The following FYN variants were observed in gnomAD, a reference collection of about 807,000 sequenced individuals.
FYN encodes tyrosine-protein kinase Fyn.
In FYN, 10 loss-of-function variants were observed where a neutral mutation model predicts 70.2. The observed-to-expected ratio is 0.14, with a 90% CI of 0.09 to 0.24. FYN has a LOEUF of 0.24. FYN is among the 10% of genes least tolerant of loss of function. FYN has a pLI of 1.00. For missense variants in FYN, 319 were observed against 673.1 expected (o/e 0.47, Z 5.82); for synonymous variants, 236 against 248.6 (o/e 0.95, Z 0.48).
chr6:111,829,340 T>C (rs1772939988), intron 2 of FYN, among the ~76,000 whole-genome samples: 1 of 152,178 alleles, frequency 6.6e-6, no homozygotes, highest in Admixed American at 6.5e-5. Context: ...GAAAAATACC[T>C]GCTCAACCTA....
At chr6:111,713,360 C>T (rs1203212111) in intron 5 of FYN, among the ~76,000 whole-genome samples, 1 of 152,164 alleles carries the variant, frequency 6.6e-6, no homozygotes, top group African/African-American at 2.4e-5. Context: ...AGGAGCCTGG[C>T]TCCAAGTCCT....
chr6:111,845,361 G>A (rs1028235329), intron 2 of FYN, among the ~76,000 whole-genome samples: 5 of 152,180 alleles, frequency 3.3e-5, no homozygotes, highest in African/African-American at 7.2e-5. Context: ...GAGTGCATGC[G>A]GATTCTAAAA....
chr6:111,843,582 T>C (rs1004760723), intron 2 of FYN, among the ~76,000 whole-genome samples: 17 of 152,338 alleles, frequency 1.1e-4, no homozygotes, highest in African/African-American at 4.1e-4. Flanking sequence ...ATTTTAAGAA[T>C]GATCTGTTCA....
intron 3 of FYN, among the ~76,000 whole-genome samples, chr6:111,761,203 C>T (rs1043800309): frequency 1.3e-5 from 2 of 152,226 alleles, no homozygotes; most frequent in African/African-American, 2.4e-5. Context: ...AGGCAGGGAG[C>T]CTTCACATTC....
chr6:111,766,425 C>T (rs1475198389), intron 3 of FYN, among the ~76,000 whole-genome samples: 1 of 152,154 alleles, frequency 6.6e-6, no homozygotes, highest in Non-Finnish European at 1.5e-5. Flanking sequence ...AGATTAACCA[C>T]AAAAAATTTC....
chr6:111,774,853 G>C (rs1346746301), intron 3 of FYN, among the ~76,000 whole-genome samples: 1 of 152,126 alleles, frequency 6.6e-6, no homozygotes, highest in African/African-American at 2.4e-5. Context: ...TGAGTAGCTG[G>C]AATTATAGGC....
chr6:111,664,352 T>C (rs1180257003), intron 13 of FYN, among the ~76,000 whole-genome samples: 8 of 152,114 alleles, frequency 5.3e-5, no homozygotes, highest in Non-Finnish European at 1.2e-4. Context: ...TGGCTCTGAG[T>C]GCCTCCCTCC....
At chr6:111,692,976 C>T (rs1214413808) in intron 12 of FYN, among the ~76,000 whole-genome samples, 3 of 152,216 alleles carry the variant, frequency 2.0e-5, no homozygotes, top group East Asian at 1.9e-4. Context: ...GTGTGTGTAA[C>T]GCACGGGTAT....
chr6:111,751,782 AAAT>A (rs1021681300), intron 3 of FYN, among the ~76,000 whole-genome samples: 2 of 152,090 alleles, frequency 1.3e-5, no homozygotes, highest in African/African-American at 4.8e-5. Flanking sequence ...CACCACATGT[AAAT>A]AATCTTTTTT....
chr6:111,714,282 C>A (rs1175509749), intron 5 of FYN, 65 bp downstream of exon 5: 19 of 1,008,538 alleles, frequency 1.9e-5, no homozygotes, highest in Admixed American at 1.2e-4. Flanking sequence ...AGATGCAGAC[C>A]AGAAATGCAA....
intron 3 of FYN, among the ~76,000 whole-genome samples, chr6:111,735,671 A>G (rs1801678111): frequency 6.6e-6 from 1 of 152,210 alleles, no homozygotes; most frequent in Admixed American, 6.5e-5. Context: ...TGCCAGATCA[A>G]GAAGGCAAGG....
chr6:111,679,791 C>T (rs994159960), intron 12 of FYN, among the ~76,000 whole-genome samples: 1 of 152,100 alleles, frequency 6.6e-6, no homozygotes, highest in Non-Finnish European at 1.5e-5. Context: ...GAAGTGTGTT[C>T]AGATCCCCTT....
intron 2 of FYN, among the ~76,000 whole-genome samples, chr6:111,814,495 T>C (rs974183650): frequency 5.9e-5 from 9 of 152,062 alleles, no homozygotes; most frequent in African/African-American, 2.2e-4. Context: ...CAGGTAAAAT[T>C]TGATCTATGC....
intron 1 of FYN, chr6:111,858,223 C>T (rs921287202): frequency 6.6e-6 from 1 of 152,210 alleles, no homozygotes; most frequent in Admixed American, 6.5e-5. Context: ...AGGTGGTTTC[C>T]TTCCAGAGTC....
intron 8 of FYN, among the ~76,000 whole-genome samples, chr6:111,700,717 G>C (rs1250522425): frequency 1.3e-5 from 2 of 152,194 alleles, no homozygotes; most frequent in Non-Finnish European, 1.5e-5. Flanking sequence ...TTGGATTAAA[G>C]AATGTCAATA....
chr6:111,828,550 C>T (rs1048656050), intron 2 of FYN, among the ~76,000 whole-genome samples: 2 of 151,536 alleles, frequency 1.3e-5, no homozygotes, highest in Non-Finnish European at 3.0e-5. Context: ...ATGGTCTATA[C>T]ATACAATGGA....
chr6:111,764,388 G>C (rs1803143638), intron 3 of FYN, among the ~76,000 whole-genome samples: 2 of 152,150 alleles, frequency 1.3e-5, no homozygotes, highest in Non-Finnish European at 2.9e-5. Flanking sequence ...GGGCAGCATG[G>C]GGAGGAGGAA....
chr6:111,845,209 G>T lies in FYN; in HGVS notation c.-82+1380C>A, dbSNP rs978877244. 3.9e-5 allele frequency among the ~76,000 whole-genome samples: 6 copies of T among 152,226 alleles called. No homozygotes were observed. The East Asian group carries it at 1.2e-3, about 29-fold the overall frequency. ...GCCAGGCATTTCTTTGGGCTCCAAG[G>T]CACAATACTGCCCTGAGGGGGCTCC... On this transcript the variant is annotated intron_variant, in intron 2 of 13. Transcript: ENST00000354650.
At chr6:111,861,060 C>A (rs993635708) in intron 1 of FYN, among the ~76,000 whole-genome samples, 1 of 152,158 alleles carries the variant, frequency 6.6e-6, no homozygotes, top group African/African-American at 2.4e-5. Context: ...CTCCAAGGAT[C>A]CATCAGTGCA....
Sources: gnomAD v4.1 joint callset for allele counts (sites outside exome capture counted in the v4.1 genomes callset) on GRCh38, gnomAD v4.1.1 for gene constraint, MANE v1.5 for transcripts, NCBI Gene and HGNC (gene_info 2026-07-23, HGNC 2026-07-21) for gene names.